TNRC6C: variants seen among roughly 807,000 people sequenced by gnomAD.
TNRC6C encodes trinucleotide repeat containing adaptor 6C.
In TNRC6C, 20 loss-of-function variants were observed where a neutral mutation model predicts 153.7. The observed-to-expected ratio is 0.13, with a 90% CI of 0.09 to 0.19. The LOEUF is 0.19. Among genes scored for constraint, TNRC6C ranks in the 10% least tolerant of loss-of-function variants. TNRC6C has a pLI of 1.00. For missense variants in TNRC6C, 1,987 were observed against 2,172.0 expected, an observed-to-expected ratio of 0.91 and a Z score of 1.69; for synonymous variants, 811 against 841.4, an observed-to-expected ratio of 0.96 and a Z score of 0.63.
intron 16 of TNRC6C, among the ~76,000 whole-genome samples, chr17:78,095,766 G>A (rs545189964): frequency 2.0e-5 from 3 of 152,206 alleles, no homozygotes; most frequent in East Asian, 1.9e-4. Context: ...CTAGCAGGCC[G>A]AGCACAGTGG....
chr17:77,984,150 C>G (rs991306091), intron 1 of TNRC6C, among the ~76,000 whole-genome samples: 1 of 152,134 alleles, frequency 6.6e-6, no homozygotes, highest in Non-Finnish European at 1.5e-5. Flanking sequence ...AGACATTTCC[C>G]TTTGGTGAGC....
At chr17:78,041,163 C>G (rs1386423346) in intron 2 of TNRC6C, 1 of 152,300 alleles carries the variant, frequency 6.6e-6, no homozygotes, top group Non-Finnish European at 1.5e-5. Context: ...AGAAACGGAA[C>G]AAACACGGAA....
At chr17:78,091,666 C>G (rs2073396649) in intron 14 of TNRC6C, 59 bp downstream of exon 16, 1 of 1,364,142 alleles carries the variant, frequency 7.3e-7, no homozygotes, top group South Asian at 1.9e-5. Context: ...ATCGATCGTC[C>G]TGTTGTATAG....
intron 11 of TNRC6C, 97 bp from the exon 14 acceptor site, chr17:78,086,406 C>A (rs79160285): frequency 1.4e-6 from 1 of 737,874 alleles, no homozygotes; most frequent in Non-Finnish European, 2.0e-6. Context: ...TGGCTAGGTT[C>A]TCTTTTTTTA....
intron 16 of TNRC6C, among the ~76,000 whole-genome samples, chr17:78,097,149 G>A (rs2073502164): frequency 6.6e-6 from 1 of 152,180 alleles, no homozygotes; most frequent in Non-Finnish European, 1.5e-5. Context: ...AGGAGGTTGA[G>A]GCTGCTGTGC....
At chr17:77,999,115 A>G (rs576877540) in intron 1 of TNRC6C, among the ~76,000 whole-genome samples, 8 of 152,364 alleles carry the variant, frequency 5.3e-5, no homozygotes, top group African/African-American at 1.9e-4. Context: ...CCATAAATGC[A>G]TAACTCAAAG....
upstream of TNRC6C, among the ~76,000 whole-genome samples, chr17:78,004,660 A>G (rs549702699): frequency 6.6e-5 from 10 of 152,302 alleles, no homozygotes; most frequent in African/African-American, 2.2e-4. Context: ...TACGAATCCT[A>G]TTAGTAAAGA....
At chr17:78,107,256 GTTTT>G (rs954690828) in exon 20 of TNRC6C, 5 of 151,976 alleles carry the variant, frequency 3.3e-5, no homozygotes, top group Non-Finnish European at 5.9e-5. Flanking sequence ...GGTTTGAGGG[GTTTT>G]TTGTTTGTTT....
chr17:77,963,414 AT>A (rs2070875675), intron 1 of TNRC6C, among the ~76,000 whole-genome samples: 1 of 152,260 alleles, frequency 6.6e-6, no homozygotes, highest in African/African-American at 2.4e-5. Context: ...CCTGGGATAT[AT>A]ATAACAAGGT....
At chr17:78,013,479 G>C (rs2071672469) in intron 1 of TNRC6C, among the ~76,000 whole-genome samples, 1 of 152,232 alleles carries the variant, frequency 6.6e-6, no homozygotes, top group African/African-American at 2.4e-5. Flanking sequence ...CTAATCATTT[G>C]ATCCAGCAGA....
At chr17:77,996,820 G>A (rs144154455) in intron 1 of TNRC6C, among the ~76,000 whole-genome samples, 10 of 152,226 alleles carry the variant, frequency 6.6e-5, no homozygotes, top group African/African-American at 2.4e-4. Flanking sequence ...CGATTAGTCA[G>A]ACACAAAATG....
intron 1 of TNRC6C, among the ~76,000 whole-genome samples, chr17:78,020,146 C>T (rs1159801030): frequency 6.6e-6 from 1 of 152,166 alleles, no homozygotes; most frequent in Admixed American, 6.5e-5. Flanking sequence ...CAGAATTCCG[C>T]ATTCCTCTGT....
rs547990906 is a variant in TNRC6C at position 77,985,083 on chromosome 17, G to A, written c.-37-19087G>A. ...CTTTAACGTTGCTGTCTAAAGCTAC[G>A]CCAGTTAAATAAGACAGGTGTATTC... On this transcript the variant is annotated intron_variant, in intron 1 of 22. Transcript: ENST00000636222. 1.1e-4 allele frequency among the ~76,000 whole-genome samples: 16 copies of A among 152,202 alleles called. No individual in the cohort carries two copies. In the East Asian group the frequency reaches 2.3e-3, roughly 22 times the overall value.
chr17:77,998,895 A>G (rs2071369618), intron 1 of TNRC6C, among the ~76,000 whole-genome samples: 1 of 152,244 alleles, frequency 6.6e-6, no homozygotes, highest in Non-Finnish European at 1.5e-5. Context: ...AGACTCTTCT[A>G]GAAAACACTG....
chr17:78,057,255 G>T (rs1247731507), intron 3 of TNRC6C, among the ~76,000 whole-genome samples: 1 of 152,026 alleles, frequency 6.6e-6, no homozygotes, highest in African/African-American at 2.4e-5. Context: ...TATTATTCCT[G>T]CCCTGTATTA....
At chr17:78,042,659 A>ATGG (rs1195564023) in intron 2 of TNRC6C, among the ~76,000 whole-genome samples, 1 of 150,626 alleles carries the variant, frequency 6.6e-6, no homozygotes, top group Non-Finnish European at 1.5e-5. Flanking sequence ...ATATGTGGTG[A>ATGG]TGGTGGTGAT....
chr17:78,028,460 A>C (rs909771622), intron 1 of TNRC6C, among the ~76,000 whole-genome samples: 1 of 151,948 alleles, frequency 6.6e-6, no homozygotes, highest in Non-Finnish European at 1.5e-5. Context: ...TTCTTGAGAG[A>C]TACTTAGCAA....
chr17:78,030,033 A>G (rs544927467), intron 1 of TNRC6C, among the ~76,000 whole-genome samples: 5 of 152,330 alleles, frequency 3.3e-5, no homozygotes, highest in Admixed American at 2.6e-4. Flanking sequence ...TGTAGAAGCA[A>G]TACACTCTAA....
chr17:78,086,797 C>G (rs767827342), intron 12 of TNRC6C, 56 bp from the exon 15 acceptor site: 22 of 1,593,920 alleles, frequency 1.4e-5, no homozygotes, highest in Non-Finnish European at 1.8e-5. Context: ...GGTCCCTAGA[C>G]AAGCCATGAG....
Sources: gnomAD v4.1 joint callset for allele counts (sites outside exome capture counted in the v4.1 genomes callset) on GRCh38, gnomAD v4.1.1 for gene constraint, MANE v1.5 for transcripts, NCBI Gene and HGNC (gene_info 2026-07-23, HGNC 2026-07-21) for gene names.